The following ARID1B variants were observed in gnomAD, a reference collection of about 807,000 sequenced individuals.
ARID1B encodes the protein AT-rich interactive domain-containing protein 1B.
In ARID1B, 30 loss-of-function variants were observed where a neutral mutation model predicts 212.3. The observed-to-expected ratio is 0.14, with a 90% CI of 0.11 to 0.19. ARID1B has a LOEUF of 0.19. Among genes scored for constraint, ARID1B ranks in the 10% least tolerant of loss-of-function variants. The pLI is 1.00. For missense variants in ARID1B, 2,891 were observed against 3,204.0 expected, an observed-to-expected ratio of 0.90 and a Z score of 2.36; for synonymous variants, 1,402 against 1,301.7, an observed-to-expected ratio of 1.08 and a Z score of -1.66.
At chr6:157,060,630 C>CTTTTTTTTTTTTTT (rs56870548) in intron 4 of ARID1B, among the ~76,000 whole-genome samples, 4 of 72,036 alleles carry the variant, frequency 5.6e-5, no homozygotes, top group African/African-American at 1.9e-4. Context: ...AAAATCTGAA[C>CTTTTTTTTTTTTTT]TTTTTTTTTT....
intron 2 of ARID1B, among the ~76,000 whole-genome samples, chr6:156,830,540 A>G (rs1783075181): frequency 6.6e-6 from 1 of 152,166 alleles, no homozygotes; most frequent in Admixed American, 6.5e-5. Flanking sequence ...TCGTTTATAC[A>G]CTATTCGATC....
intron 5 of ARID1B, among the ~76,000 whole-genome samples, chr6:157,096,146 C>T (rs993490378): frequency 2.6e-4 from 40 of 152,312 alleles, no homozygotes; most frequent in Admixed American, 5.9e-4. Flanking sequence ...TTTCCCTTCA[C>T]GAAGTCCTTG....
intron 4 of ARID1B, among the ~76,000 whole-genome samples, chr6:157,058,999 A>C (rs1404193460): frequency 6.6e-6 from 1 of 151,708 alleles, no homozygotes; most frequent in Non-Finnish European, 1.5e-5. Flanking sequence ...GCCCCAAAAC[A>C]CCTTGCCTAG....
chr6:156,969,885 TATA>T (rs1776801325), intron 4 of ARID1B, among the ~76,000 whole-genome samples: 1 of 132,950 alleles, frequency 7.5e-6, no homozygotes, highest in South Asian at 2.5e-4. Context: ...TTTCTTATTA[TATA>T]ATGCTTTTTT....
intron 12 of ARID1B, among the ~76,000 whole-genome samples, chr6:157,181,568 G>A (rs935145913): frequency 6.6e-6 from 1 of 152,346 alleles, no homozygotes. Context: ...CACATTTACT[G>A]CTTCCCTCTA....
At chr6:157,143,086 C>T (rs1789487451) in intron 7 of ARID1B, among the ~76,000 whole-genome samples, 1 of 152,226 alleles carries the variant, frequency 6.6e-6, no homozygotes, top group Admixed American at 6.5e-5. Flanking sequence ...TGCTTCCTCT[C>T]TCTGGTGCTT....
At chr6:156,786,752 G>A (rs1267632908) in intron 1 of ARID1B, among the ~76,000 whole-genome samples, 2 of 152,154 alleles carry the variant, frequency 1.3e-5, no homozygotes, top group Non-Finnish European at 2.9e-5. Context: ...TTCTTAATCA[G>A]CCCTGTGCCA....
At chr6:156,913,850 A>T (rs287932) in intron 3 of ARID1B, among the ~76,000 whole-genome samples, 30,516 of 123,300 alleles carry the variant, frequency 0.25, 3,436 homozygotes, top group Middle Eastern at 0.33. Flanking sequence ...ACAACCAGCC[A>T]ACCCCAGCCC....
In ARID1B at chr6:157,004,910, T is replaced by TG. The variant is rs1562542357; in HGVS notation, c.2247+69334_2247+69335insG. Among the ~76,000 whole-genome samples, 225 of 114,696 alleles carry TG rather than the reference T, an allele frequency of 2.0e-3. 6 individuals carry two copies. Among genetic ancestry groups the TG allele is most frequent in the Middle Eastern group, 7.8e-3 (2 of 258 alleles). 75.2% of individuals were successfully genotyped at this position (114,696 alleles called of 152,430 possible). ...TTCTTCTTTTTTCTTTTTTTTTTTT[T>TG]TTTTTTTTTTTTTTTTTTTTTGAGA... On this transcript the variant is annotated intron_variant, in intron 4 of 19. Coordinates refer to ENST00000636930, the MANE Select transcript of ARID1B (RefSeq NM_001374828.1).
At chr6:156,901,615 T>C (rs1377472491) in intron 3 of ARID1B, 90 bp downstream of exon 3, 1 of 1,444,368 alleles carries the variant, frequency 6.9e-7, no homozygotes, top group Non-Finnish European at 9.2e-7. Context: ...TATTAAAAAT[T>C]ATGTTCTGGT....
At chr6:156,841,865 C>T (rs761981089) in intron 2 of ARID1B, among the ~76,000 whole-genome samples, 3 of 152,168 alleles carry the variant, frequency 2.0e-5, no homozygotes, top group Non-Finnish European at 4.4e-5. Context: ...AGTGCTATAA[C>T]AAGCATTTCA....
At chr6:156,926,575 A>G (rs1178375142) in intron 3 of ARID1B, among the ~76,000 whole-genome samples, 2 of 152,130 alleles carry the variant, frequency 1.3e-5, no homozygotes, top group Non-Finnish European at 2.9e-5. Context: ...GAAGTAGATA[A>G]TGGTGTAATT....
At chr6:156,855,697 A>G (rs369054109) in intron 2 of ARID1B, among the ~76,000 whole-genome samples, 1 of 152,126 alleles carries the variant, frequency 6.6e-6, no homozygotes, top group African/African-American at 2.4e-5. Context: ...TGGAGCCCTA[A>G]ATTGTGTGTG....
At chr6:157,043,976 T>G (rs537675982) in intron 4 of ARID1B, among the ~76,000 whole-genome samples, 3 of 152,346 alleles carry the variant, frequency 2.0e-5, no homozygotes, top group Admixed American at 2.0e-4. Context: ...TACGTGTTAT[T>G]TGTCAAGTAC....
chr6:157,198,723 G>C (rs1415322206), intron 16 of ARID1B, 88 bp from the exon 17 acceptor site: 9 of 1,127,246 alleles, frequency 8.0e-6, no homozygotes, highest in Non-Finnish European at 1.0e-5. Flanking sequence ...CTGCTTGAGG[G>C]AGTCAGGGTT....
At chr6:156,958,778 A>G (rs1405256722) in intron 4 of ARID1B, among the ~76,000 whole-genome samples, 4 of 152,132 alleles carry the variant, frequency 2.6e-5, no homozygotes, top group East Asian at 1.9e-4. Flanking sequence ...AAAAAGCTCT[A>G]TTAAAACCAA....
At position 156,831,507 on chromosome 6, in the gene ARID1B, A is replaced by G. The variant is rs1783136001; in HGVS notation, c.1986+2086A>G. On this transcript the variant is annotated intron_variant, in intron 2 of 19. Coordinates refer to ENST00000636930, the MANE Select transcript of ARID1B (RefSeq NM_001374828.1). ...CACTAGAAGTTCTAGATGTTGGCTT[A>G]GTTTCCAGTCCCAAAGTGGGAGTCA... Among the ~76,000 whole-genome samples the G allele has an allele frequency of 4.6e-5, 7 of 152,378 alleles. No individual in the cohort carries two copies. The South Asian group carries it at 1.2e-3, about 27-fold the overall frequency.
intron 4 of ARID1B, among the ~76,000 whole-genome samples, chr6:157,008,463 G>T (rs185254213): frequency 6.6e-6 from 1 of 152,284 alleles, no homozygotes; most frequent in African/African-American, 2.4e-5. Context: ...CAAAGTTACT[G>T]TTATCTTCTG....
intron 3 of ARID1B, among the ~76,000 whole-genome samples, chr6:156,926,059 T>C (rs1209809853): frequency 6.6e-6 from 1 of 152,228 alleles, no homozygotes; most frequent in African/African-American, 2.4e-5. Flanking sequence ...TCAAGGTCCT[T>C]AGAAGAGATC....
Sources: gnomAD v4.1 joint callset for allele counts (sites outside exome capture counted in the v4.1 genomes callset) on GRCh38, gnomAD v4.1.1 for gene constraint, MANE v1.5 for transcripts, NCBI Gene and HGNC (gene_info 2026-07-23, HGNC 2026-07-21) for gene names.